The following ZNF654 variants were observed in gnomAD, a reference collection of about 807,000 sequenced individuals.
ZNF654 encodes zinc finger protein 654.
ZNF654 carries 19 observed loss-of-function variants against 95.3 expected under a neutral mutation model. The ratio of observed to expected loss-of-function variants is 0.20; its 90% confidence interval spans 0.14 to 0.29. ZNF654 has a LOEUF of 0.29. Among genes scored for constraint, ZNF654 ranks in the 10% least tolerant of loss-of-function variants. ZNF654 has a pLI of 1.00. For missense variants in ZNF654, 1,046 were observed against 1,341.0 expected (o/e 0.78, Z 3.44); for synonymous variants, 413 against 457.9 (o/e 0.90, Z 1.25).
At chr3:88,095,722 A>C (rs1559706577) in intron 2 of ZNF654, 1 of 391,098 alleles carries the variant, frequency 2.6e-6, no homozygotes, top group Non-Finnish European at 4.9e-6. Flanking sequence ...CTACTTTTTG[A>C]CTTCTCCCCA....
intron 3 of ZNF654, among the ~76,000 whole-genome samples, chr3:88,115,176 AG>A (rs1705316662): frequency 6.6e-6 from 1 of 152,178 alleles, no homozygotes; most frequent in Non-Finnish European, 1.5e-5. Flanking sequence ...GGGACCTGAT[AG>A]TCTGCATTTC....
chr3:88,078,011 A>G (rs111981209), intron 1 of ZNF654, among the ~76,000 whole-genome samples: 5 of 152,238 alleles, frequency 3.3e-5, no homozygotes, highest in African/African-American at 1.2e-4. Flanking sequence ...AATGTTGTGA[A>G]ATTTCTTTGT....
rs564256144 is a variant in ZNF654 at position 88,064,553 on chromosome 3, A to G, written c.186+5048A>G. ...TCTTTTGGAGGTATGTGGTACCTCA[A>G]ATTCCTGAGATGTTCTGGGGTTCTG... On this transcript the variant is annotated intron_variant, in intron 1 of 8. Transcript: ENST00000636215. 6.2e-4 allele frequency among the ~76,000 whole-genome samples: 95 copies of G among 152,222 alleles called. 1 individual carries two copies. Among genetic ancestry groups the G allele is most frequent in the African/African-American group, 2.2e-3 (92 of 41,540 alleles).
chr3:88,107,191 C>CT (rs1243807920), intron 2 of ZNF654, among the ~76,000 whole-genome samples: 1 of 152,102 alleles, frequency 6.6e-6, no homozygotes, highest in Non-Finnish European at 1.5e-5. Flanking sequence ...ACTTTATATA[C>CT]TTTATCTTCC....
chr3:88,130,018 G>A (rs934944170), intron 6 of ZNF654, among the ~76,000 whole-genome samples, 192 bp downstream of exon 6: 14 of 152,152 alleles, frequency 9.2e-5, no homozygotes. Context: ...CCACTAAACT[G>A]ATAGTGTAAA....
intron 3 of ZNF654, among the ~76,000 whole-genome samples, chr3:88,125,690 C>T (rs1254464746): frequency 6.6e-6 from 1 of 152,160 alleles, no homozygotes; most frequent in East Asian, 1.9e-4. Context: ...TTTTGTCTAC[C>T]TGCCAGCCAG....
chr3:88,075,807 C>T (rs967456219), intron 1 of ZNF654, among the ~76,000 whole-genome samples: 13 of 151,688 alleles, frequency 8.6e-5, no homozygotes, highest in African/African-American at 3.2e-4. Context: ...TAGTGTCTTC[C>T]GTAATGTTAG....
chr3:88,092,182 G>A (rs1703782660), intron 2 of ZNF654, among the ~76,000 whole-genome samples: 1 of 152,084 alleles, frequency 6.6e-6, no homozygotes, highest in Non-Finnish European at 1.5e-5. Context: ...CCTACTAAAA[G>A]AGTAGTAAAT....
intron 2 of ZNF654, among the ~76,000 whole-genome samples, chr3:88,101,439 T>C (rs1704419797): frequency 1.3e-5 from 2 of 152,214 alleles, no homozygotes; most frequent in Admixed American, 1.3e-4. Flanking sequence ...TCTTGCGAAA[T>C]AGTCATGTAA....
chr3:88,117,173 TA>T, intron 3 of ZNF654, among the ~76,000 whole-genome samples: 1 of 152,188 alleles, frequency 6.6e-6, no homozygotes. Context: ...TTAACTCCAG[TA>T]AAAACCAAAT....
chr3:88,124,912 C>A (rs943316561), intron 3 of ZNF654, among the ~76,000 whole-genome samples: 8 of 151,964 alleles, frequency 5.3e-5, no homozygotes, highest in African/African-American at 1.9e-4. Flanking sequence ...ATTCTCTGAA[C>A]CATTTTAAAA....
Position 88,140,717 on chromosome 3 carries a change from AGAAC to A in ZNF654, c.3049_3052del (p.Glu1017ThrfsTer15). 6.2e-7 allele frequency: 1 copy of A among 1,613,784 alleles called. No homozygotes were observed. The highest frequency in any genetic ancestry group is 8.5e-7 in the Non-Finnish European group (1 of 1,179,756). On this transcript the variant is annotated frameshift_variant, in exon 8 of 9. Transcript: ENST00000636215. LOFTEE classifies it high-confidence loss of function. ...CCATTTTGCCCAGTGTTGTACCACA[AGAAC>A]ACAACACCTTGCCAGTATCTCAGGC...
chr3:88,080,764 T>C (rs1708036302), intron 1 of ZNF654, among the ~76,000 whole-genome samples: 2 of 152,156 alleles, frequency 1.3e-5, no homozygotes, highest in Non-Finnish European at 2.9e-5. Flanking sequence ...TCAAATAACA[T>C]CCAGAAAATC....
Position 88,059,626 on chromosome 3 carries a change from G to A in ZNF654, c.186+121G>A. On this transcript the variant is annotated intron_variant, in intron 1 of 8. Coordinates refer to ENST00000636215, the MANE Select transcript of ZNF654 (RefSeq NM_001350134.2). The stretch of plus-strand genomic sequence containing the variant: ...TGCCCGCTCCTCCCCAACAAGGAGG[G>A]TGAGGCTGAAGCTCCCTCCTCCACT... 6 of 1,372,654 alleles carry A rather than the reference G, an allele frequency of 4.4e-6. No homozygotes were observed. In the South Asian group the frequency reaches 9.5e-5, roughly 22 times the overall value. 85.0% of individuals were successfully genotyped at this position (1,372,654 alleles called of 1,614,324 possible). A position where few individuals can be genotyped will look rare whatever the true frequency, so the allele number is the denominator to read the frequency against.
chr3:88,122,124 A>G (rs1321700121), intron 3 of ZNF654, among the ~76,000 whole-genome samples: 3 of 152,158 alleles, frequency 2.0e-5, no homozygotes, highest in Admixed American at 2.0e-4. Context: ...TTATGGATTA[A>G]GGTAGCTAGT....
At chr3:88,119,250 T>C (rs746148431) in intron 3 of ZNF654, among the ~76,000 whole-genome samples, 7,748 of 146,278 alleles carry the variant, frequency 0.053, 171 homozygotes, top group Admixed American at 0.072. Context: ...ATGGATGAAA[T>C]TGGAAATCAT....
chr3:88,083,046 C>CTCCTCCCTCT (rs982297015), intron 1 of ZNF654, among the ~76,000 whole-genome samples: 2 of 151,810 alleles, frequency 1.3e-5, no homozygotes, highest in South Asian at 2.1e-4. Flanking sequence ...CTCCTCACTC[C>CTCCTCCCTCT]TCCTCCCTCT....
intron 3 of ZNF654, among the ~76,000 whole-genome samples, chr3:88,116,995 T>G (rs1705454186): frequency 6.6e-6 from 1 of 152,108 alleles, no homozygotes; most frequent in South Asian, 2.1e-4. Flanking sequence ...TTAAAAAAAT[T>G]TTTTCTTAAA....
chr3:88,125,707 A>G (rs1255524151), intron 3 of ZNF654, among the ~76,000 whole-genome samples: 1 of 152,098 alleles, frequency 6.6e-6, no homozygotes, highest in African/African-American at 2.4e-5. Context: ...CCAGAGAGAG[A>G]CTTTACATTT....
Sources: allele counts gnomAD v4.1 joint callset (sites outside exome capture counted in the v4.1 genomes callset), GRCh38; gene constraint gnomAD v4.1.1; transcripts MANE v1.5; gene names NCBI Gene and HGNC (gene_info 2026-07-23, HGNC 2026-07-21).